Variants in MLLT3 observed in about 807,000 individuals in gnomAD.
MLLT3 encodes the protein MLLT3 super elongation complex subunit, also known as protein AF-9.
Under a neutral mutation model 53.2 loss-of-function variants are expected in MLLT3, and 4 were observed. That is an observed-to-expected ratio of 0.08 (90% confidence interval 0.04 to 0.17). MLLT3 has a LOEUF of 0.17. Ranked by LOEUF, MLLT3 falls within the 10% of genes least tolerant of loss-of-function variation. The pLI, the probability that MLLT3 is intolerant of heterozygous loss-of-function variation, is 1.00. For synonymous variants in MLLT3, 283 were observed against 230.6 expected (o/e 1.23, Z -2.06); for missense variants, 569 against 684.0 (o/e 0.83, Z 1.87).
intron 4 of MLLT3, among the ~76,000 whole-genome samples, chr9:20,438,962 C>T (rs1823475464): frequency 6.6e-6 from 1 of 152,132 alleles, no homozygotes; most frequent in Non-Finnish European, 1.5e-5. Context: ...TTTCACACTA[C>T]CCACAGGCCC....
At position 20,344,105 on chromosome 9, in the gene MLLT3, T is replaced by C. The variant is rs1820806613; in HGVS notation, c.*2338A>G. The C allele has an allele frequency of 5.1e-6, 1 of 196,376 alleles. No individual in the cohort carries two copies. Among genetic ancestry groups the C allele is most frequent in the Admixed American group, 6.1e-5 (1 of 16,438 alleles). 12.2% of individuals were successfully genotyped at this position (196,376 alleles called of 1,614,324 possible). ...TTTAGGATATTCTGAAGAAATTAACTTTATTACCTAATTTTCAAGTCTAAA... is the reference window on the plus strand; with the variant it reads ...TTTAGGATATTCTGAAGAAATTAACCTTATTACCTAATTTTCAAGTCTAAA... On this transcript the variant is annotated 3_prime_UTR_variant, in exon 11 of 11. Coordinates refer to ENST00000380338, the MANE Select transcript of MLLT3 (RefSeq NM_004529.4).
At chr9:20,594,439 C>T (rs1820202021) in intron 2 of MLLT3, among the ~76,000 whole-genome samples, 1 of 152,058 alleles carries the variant, frequency 6.6e-6, no homozygotes, top group Non-Finnish European at 1.5e-5. Context: ...ATCTTCATCC[C>T]TCTTCAACCC....
At chr9:20,574,284 G>A (rs1180214901) in intron 2 of MLLT3, among the ~76,000 whole-genome samples, 2 of 152,142 alleles carry the variant, frequency 1.3e-5, no homozygotes, top group African/African-American at 4.8e-5. Flanking sequence ...AATGAATCAT[G>A]TTCAAAGGAA....
intron 2 of MLLT3, among the ~76,000 whole-genome samples, chr9:20,566,000 TTA>T (rs1185292821): frequency 5.8e-4 from 76 of 131,486 alleles, no homozygotes; most frequent in African/African-American, 9.6e-4. Context: ...ATATATTTAT[TTA>T]TATATATATT....
chr9:20,615,382 A>AAG, intron 2 of MLLT3, among the ~76,000 whole-genome samples: 1 of 149,418 alleles, frequency 6.7e-6, no homozygotes, highest in Non-Finnish European at 1.5e-5. Context: ...AAAAAAAAAA[A>AAG]AAAAAAAAAA....
In MLLT3 at chr9:20,575,166, G is replaced by T. The variant is rs576429926; in HGVS notation, c.193+45488C>A. Among the ~76,000 whole-genome samples, 5 of 152,274 alleles carry T rather than the reference G, an allele frequency of 3.3e-5. No homozygotes were observed. In the South Asian group the frequency reaches 1.0e-3, roughly 32 times the overall value. Reference sequence around the variant, plus strand: ...TCTTCAACCTTTCAAAGTCATCCATGAGGGCTGGGAAAAAATTCTTCCAAA... The same window carrying T: ...TCTTCAACCTTTCAAAGTCATCCATTAGGGCTGGGAAAAAATTCTTCCAAA... On this transcript the variant is annotated intron_variant, in intron 2 of 10. Transcript: ENST00000380338.
chr9:20,595,553 G>C (rs1410582894), intron 2 of MLLT3, among the ~76,000 whole-genome samples: 2 of 152,022 alleles, frequency 1.3e-5, no homozygotes, highest in Non-Finnish European at 2.9e-5. Context: ...AATAGATCCT[G>C]TATCTATCAT....
chr9:20,510,896 T>G (rs1456388131), intron 2 of MLLT3, among the ~76,000 whole-genome samples: 1 of 152,162 alleles, frequency 6.6e-6, no homozygotes, highest in Non-Finnish European at 1.5e-5. Flanking sequence ...CATTACTGCT[T>G]AAAAGAACAA....
At chr9:20,532,790 T>C in intron 2 of MLLT3, 1 of 260,342 alleles carries the variant, frequency 3.8e-6, no homozygotes, top group South Asian at 6.0e-5. Flanking sequence ...TTCCTGAGAT[T>C]ATTAACCAGT....
chr9:20,619,604 G>T (rs544029401), intron 2 of MLLT3, among the ~76,000 whole-genome samples: 1 of 152,348 alleles, frequency 6.6e-6, no homozygotes, highest in East Asian at 1.9e-4. Context: ...TGTCGACTTA[G>T]ATAAATAAAC....
intron 2 of MLLT3, among the ~76,000 whole-genome samples, chr9:20,569,549 A>T (rs750926928): frequency 6.6e-6 from 1 of 152,166 alleles, no homozygotes; most frequent in Non-Finnish European, 1.5e-5. Context: ...ACTACACAGA[A>T]ATCTACTACA....
Position 20,502,061 on chromosome 9 carries a change from A to C in MLLT3, c.194-45275T>G, listed in dbSNP as rs562983670. Among the ~76,000 whole-genome samples, 4 of 137,310 alleles carry C rather than the reference A, an allele frequency of 2.9e-5. No individual in the cohort carries two copies. The East Asian group carries it at 1.0e-3, about 35-fold the overall frequency. 90.1% of individuals were successfully genotyped at this position (137,310 alleles called of 152,430 possible). On this transcript the variant is annotated intron_variant, in intron 2 of 10. Coordinates refer to ENST00000380338, the MANE Select transcript of MLLT3 (RefSeq NM_004529.4). Reference sequence around the variant, plus strand: ...GTGCCATTGCACTCCAGCCTGGGCAACAAGAGCGAAACTCCATCTCAAAAA... The same window carrying C: ...GTGCCATTGCACTCCAGCCTGGGCACCAAGAGCGAAACTCCATCTCAAAAA...
chr9:20,455,928 T>C (rs925730944), intron 3 of MLLT3, among the ~76,000 whole-genome samples: 1 of 101,972 alleles, frequency 9.8e-6, no homozygotes, highest in African/African-American at 6.8e-5. Flanking sequence ...TGCTAAAAAC[T>C]TTTTTTTTTT....
At chr9:20,466,661 T>C (rs1170452383) in intron 2 of MLLT3, among the ~76,000 whole-genome samples, 1 of 152,234 alleles carries the variant, frequency 6.6e-6, no homozygotes, top group Non-Finnish European at 1.5e-5. Context: ...TTTTACAAAA[T>C]ACCTTCTGAT....
chr9:20,349,238 G>A (rs1022978342), intron 10 of MLLT3, among the ~76,000 whole-genome samples: 1 of 152,158 alleles, frequency 6.6e-6, no homozygotes, highest in Non-Finnish European at 1.5e-5. Flanking sequence ...TCCTCATCTG[G>A]AAAATGAGAG....
chr9:20,428,273 A>T (rs1232449240), intron 4 of MLLT3, among the ~76,000 whole-genome samples: 1 of 152,148 alleles, frequency 6.6e-6, no homozygotes, highest in African/African-American at 2.4e-5. Context: ...AACTTTATAG[A>T]TTAACACAAA....
At chr9:20,472,651 C>A (rs567680150) in intron 2 of MLLT3, among the ~76,000 whole-genome samples, 112 of 152,158 alleles carry the variant, frequency 7.4e-4, no homozygotes, top group Non-Finnish European at 1.5e-4. Flanking sequence ...TAAGCCCCTG[C>A]ATGTTTTTGA....
intron 5 of MLLT3, among the ~76,000 whole-genome samples, chr9:20,405,726 T>G (rs541029699): frequency 1.3e-5 from 2 of 152,360 alleles, no homozygotes; most frequent in South Asian, 4.1e-4. Flanking sequence ...ATTTATGAGA[T>G]TCTTCTTCAT....
At chr9:20,480,443 T>C (rs1824632768) in intron 2 of MLLT3, among the ~76,000 whole-genome samples, 1 of 152,214 alleles carries the variant, frequency 6.6e-6, no homozygotes, top group Non-Finnish European at 1.5e-5. Flanking sequence ...CTTGAATAAT[T>C]CCTGAGCTTG....
Sources: gnomAD v4.1 joint callset for allele counts (sites outside exome capture counted in the v4.1 genomes callset) on GRCh38, gnomAD v4.1.1 for gene constraint, MANE v1.5 for transcripts, NCBI Gene and HGNC (gene_info 2026-07-23, HGNC 2026-07-21) for gene names.